The following ATG10 variants were observed in gnomAD, a reference collection of about 807,000 sequenced individuals.
ATG10 encodes autophagy related 10.
A neutral mutation model predicts 32.1 loss-of-function variants in ATG10; 30 were observed. The ratio of observed to expected loss-of-function variants is 0.94; its 90% CI spans 0.70 to 1.27. ATG10 has a LOEUF of 1.27. Among genes scored for constraint, ATG10 ranks in the 50% most tolerant of loss-of-function variants. The pLI, the probability that ATG10 is intolerant of heterozygous loss-of-function variation, is 0.00. For missense variants in ATG10, 233 were observed against 262.3 expected (o/e 0.89, Z 0.77); for synonymous variants, 87 against 91.5 (o/e 0.95, Z 0.28).
chr5:82,169,062 G>A (rs72776889), intron 4 of ATG10, among the ~76,000 whole-genome samples: 8,625 of 152,240 alleles, frequency 0.057, 323 homozygotes, highest in Non-Finnish European at 0.079. Flanking sequence ...GGGCTGGAGA[G>A]AGCCCACCAT....
chr5:82,224,706 G>A (rs1746052232), intron 5 of ATG10, among the ~76,000 whole-genome samples: 1 of 152,186 alleles, frequency 6.6e-6, no homozygotes, highest in Non-Finnish European at 1.5e-5. Flanking sequence ...TGTGCTGGAG[G>A]AATACTGACA....
At chr5:82,059,666 G>A (rs1308252977) in intron 3 of ATG10, among the ~76,000 whole-genome samples, 9 of 152,114 alleles carry the variant, frequency 5.9e-5, no homozygotes, top group Non-Finnish European at 8.8e-5. Flanking sequence ...GAATTTTTGT[G>A]TGTGTGCAGG....
intron 3 of ATG10, among the ~76,000 whole-genome samples, chr5:82,113,897 T>G (rs1299541365): frequency 6.6e-6 from 1 of 152,060 alleles, no homozygotes; most frequent in Admixed American, 6.6e-5. Context: ...GTGAGCACTT[T>G]GTTTTGTATG....
chr5:82,026,063 T>C (rs1448939430), intron 2 of ATG10, among the ~76,000 whole-genome samples: 3 of 152,228 alleles, frequency 2.0e-5, no homozygotes, highest in African/African-American at 7.2e-5. Context: ...CATTGCTATG[T>C]AACCATCAGC....
At chr5:82,242,748 T>A in intron 5 of ATG10, 1 of 367,336 alleles carries the variant, frequency 2.7e-6, no homozygotes, top group Non-Finnish European at 5.3e-6. Flanking sequence ...TTTTCAAAAA[T>A]GAGGGCAATA....
chr5:82,246,685 A>C (rs1331476017), intron 5 of ATG10, among the ~76,000 whole-genome samples: 2 of 152,146 alleles, frequency 1.3e-5, no homozygotes, highest in East Asian at 3.9e-4. Flanking sequence ...ATTTTTGCTT[A>C]TATAATCTTA....
intron 3 of ATG10, among the ~76,000 whole-genome samples, chr5:82,114,020 T>A (rs1765699845): frequency 6.6e-6 from 1 of 152,042 alleles, no homozygotes; most frequent in South Asian, 2.1e-4. Context: ...GTCTATGATT[T>A]TTTTCTTTGT....
intron 3 of ATG10, among the ~76,000 whole-genome samples, chr5:82,143,716 C>A (rs1006618501): frequency 2.6e-5 from 4 of 152,160 alleles, no homozygotes; most frequent in Non-Finnish European, 5.9e-5. Context: ...TTATCACTGT[C>A]TTCCCCTCTA....
Position 82,079,380 on chromosome 5 carries a change from T to A in ATG10, c.216+20778T>A, listed in dbSNP as rs536313987. ...GTTCAGGGAAACTTTTTTTTTTTTTTATATACTTTAAGTTCTAGGGTACAT... is the reference window on the plus strand; with the variant it reads ...GTTCAGGGAAACTTTTTTTTTTTTTAATATACTTTAAGTTCTAGGGTACAT... On this transcript the variant is annotated intron_variant, in intron 3 of 7. Coordinates refer to ENST00000282185, the MANE Select transcript of ATG10 (RefSeq NM_031482.5). Among the ~76,000 whole-genome samples the A allele has an allele frequency of 4.0e-5, 6 of 151,820 alleles. 1 individual carries two copies. Among genetic ancestry groups the A allele is most frequent in the South Asian group, 2.1e-4 (1 of 4,806 alleles).
intron 3 of ATG10, among the ~76,000 whole-genome samples, chr5:82,116,018 TG>T (rs1419036782): frequency 2.0e-5 from 3 of 152,112 alleles, no homozygotes; most frequent in Admixed American, 1.3e-4. Context: ...TAATTCTTAC[TG>T]GGAGATGGCT....
At chr5:82,060,922 A>G (rs1333687831) in intron 3 of ATG10, among the ~76,000 whole-genome samples, 2 of 152,198 alleles carry the variant, frequency 1.3e-5, no homozygotes, top group Non-Finnish European at 2.9e-5. Flanking sequence ...GAATCCGAGT[A>G]TGGTTAACAT....
intron 3 of ATG10, chr5:82,078,301 A>C (rs896725880): frequency 3.9e-5 from 6 of 152,108 alleles, no homozygotes; most frequent in African/African-American, 1.4e-4. Context: ...ACCTGATTGG[A>C]GTTACTTGGG....
chr5:82,074,728 G>T (rs1764222125), intron 3 of ATG10, among the ~76,000 whole-genome samples: 4 of 152,044 alleles, frequency 2.6e-5, no homozygotes, highest in Admixed American at 2.6e-4. Flanking sequence ...AGCATATGTT[G>T]GTTGATTGCA....
At chr5:81,977,991 C>T (rs1760916247) in intron 1 of ATG10, among the ~76,000 whole-genome samples, 1 of 152,154 alleles carries the variant, frequency 6.6e-6, no homozygotes, top group South Asian at 2.1e-4. Flanking sequence ...AAAAATATGG[C>T]ACTTGGTAGT....
intron 5 of ATG10, among the ~76,000 whole-genome samples, chr5:82,246,135 A>G (rs1272113440): frequency 6.6e-6 from 1 of 150,420 alleles, no homozygotes; most frequent in Non-Finnish European, 1.5e-5. Context: ...CAGTGGCACA[A>G]TCTCCACTTA....
chr5:82,142,079 C>T (rs989274703), intron 3 of ATG10, among the ~76,000 whole-genome samples: 2 of 152,146 alleles, frequency 1.3e-5, no homozygotes, highest in Non-Finnish European at 2.9e-5. Context: ...TTATATAGAG[C>T]TTAGACACAG....
In ATG10 at chr5:82,128,614, C is replaced by T. The variant is rs1009906713; in HGVS notation, c.217-35785C>T. Among the ~76,000 whole-genome samples the T allele has an allele frequency of 8.0e-5, 12 of 150,740 alleles. 1 individual carries two copies. Among genetic ancestry groups the T allele is most frequent in the African/African-American group, 2.2e-4 (9 of 41,164 alleles). On this transcript the variant is annotated intron_variant, in intron 3 of 7. Coordinates refer to ENST00000282185, the MANE Select transcript of ATG10 (RefSeq NM_031482.5). ...TTTCTTTAAGAATGTTGAATATTGG[C>T]CCCCACTCTCTTCTGGCTTGTAGGG...
intron 2 of ATG10, among the ~76,000 whole-genome samples, chr5:82,038,650 G>A (rs1287653548): frequency 6.6e-6 from 1 of 152,158 alleles, no homozygotes; most frequent in Non-Finnish European, 1.5e-5. Context: ...GCTCTTCCGA[G>A]CAGAAGCTAT....
At chr5:82,101,413 C>G (rs747549222) in intron 3 of ATG10, among the ~76,000 whole-genome samples, 1 of 152,108 alleles carries the variant, frequency 6.6e-6, no homozygotes, top group African/African-American at 2.4e-5. Flanking sequence ...CCTTTCTACT[C>G]ATCTTTTTTG....
Sources: allele counts gnomAD v4.1 joint callset (sites outside exome capture counted in the v4.1 genomes callset), GRCh38; gene constraint gnomAD v4.1.1; transcripts MANE v1.5; gene names NCBI Gene and HGNC (gene_info 2026-07-23, HGNC 2026-07-21).